The following DGKI variants were observed in gnomAD, a reference collection of about 807,000 sequenced individuals.
The protein encoded by DGKI is DAG kinase iota.
In DGKI, 55 loss-of-function variants were observed where a neutral mutation model predicts 147.5. The ratio of observed to expected loss-of-function variants is 0.37; its 90% CI spans 0.30 to 0.47. The LOEUF is 0.47. Among genes scored for constraint, DGKI ranks in the 20% least tolerant of loss-of-function variants. The pLI is 1.00. For missense variants in DGKI, 1,007 were observed against 1,323.8 expected (o/e 0.76, Z 3.71); for synonymous variants, 469 against 477.1 (o/e 0.98, Z 0.22).
chr7:137,832,980 C>T (rs112061110), intron 1 of DGKI, among the ~76,000 whole-genome samples: 5 of 152,348 alleles, frequency 3.3e-5, no homozygotes, highest in African/African-American at 1.2e-4. Flanking sequence ...GTCACCTTTG[C>T]TCCAGTTTCC....
Position 137,599,823 on chromosome 7 carries a change from G to C in DGKI, c.1250C>G (p.Ala417Gly). 5.0e-6 allele frequency: 8 copies of C among 1,613,060 alleles called. No individual in the cohort carries two copies. The highest frequency in any genetic ancestry group is 6.8e-6 in the Non-Finnish European group (8 of 1,179,224). The change falls in exon 11 of 33, where the codon GCG becomes GGG. Residue 417 changes from alanine to glycine, a missense_variant and splice_region_variant. Physicochemically the swap from Ala to Gly is moderately conservative, Grantham distance 60. Around this residue, in one of 5 missense-constraint regions of DGKI, gnomAD observed 224 missense variants for 382.7 expected, o/e 0.59. Transcript: ENST00000614521. Reference sequence around the variant, plus strand: ...CCATGGAGAATATTTCCAGACTTACGCATCTTTTGGCCCTTCCTGAGAAAG... The same window carrying C: ...CCATGGAGAATATTTCCAGACTTACCCATCTTTTGGCCCTTCCTGAGAAAG... ...FDLSQEGPKDALELYRKVPNL... is the reference protein window; with the variant it reads ...FDLSQEGPKDGLELYRKVPNL...
chr7:137,637,679 T>C (rs927386695), intron 6 of DGKI, among the ~76,000 whole-genome samples: 3 of 152,230 alleles, frequency 2.0e-5, no homozygotes, highest in Non-Finnish European at 4.4e-5. Flanking sequence ...TTTTTGCTTC[T>C]CAGCTAACTA....
chr7:137,677,974 T>C (rs938711973), intron 3 of DGKI, among the ~76,000 whole-genome samples: 3 of 152,200 alleles, frequency 2.0e-5, no homozygotes, highest in African/African-American at 7.2e-5. Flanking sequence ...TCTAAATAGA[T>C]TGTTCTAAAT....
At chr7:137,638,613 C>CATATATGTATATGTGTATATAT (rs1554446609) in intron 6 of DGKI, among the ~76,000 whole-genome samples, 2 of 15,746 alleles carry the variant, frequency 1.3e-4, no homozygotes, top group Middle Eastern at 0.036. Context: ...TATATATATA[C>CATATATGTATATGTGTATATAT]ACACACACAT....
In DGKI at chr7:137,492,314, G is replaced by A. The variant is rs114274286; in HGVS notation, c.2249-4625C>T. On this transcript the variant is annotated intron_variant, in intron 21 of 32. Coordinates refer to ENST00000614521, the MANE Select transcript of DGKI (RefSeq NM_001321708.2). ...CAAGATAGCTGAACAGACACAGCCA[G>A]AAGGAACATCTGCCATCGAGAGACC... Among the ~76,000 whole-genome samples, 893 of 152,308 alleles carry A rather than the reference G, an allele frequency of 5.9e-3. 10 individuals carry two copies. Among genetic ancestry groups the A allele is most frequent in the African/African-American group, 0.021 (855 of 41,554 alleles).
intron 1 of DGKI, among the ~76,000 whole-genome samples, chr7:137,744,853 T>C (rs921393601): frequency 6.6e-6 from 1 of 152,184 alleles, no homozygotes; most frequent in Non-Finnish European, 1.5e-5. Flanking sequence ...CCGTTTATGA[T>C]ATAAACCCTC....
intron 3 of DGKI, among the ~76,000 whole-genome samples, chr7:137,661,269 GGAGCT>G (rs1311039767): frequency 1.3e-5 from 2 of 152,196 alleles, no homozygotes; most frequent in Middle Eastern, 3.4e-3. Flanking sequence ...CCATCTCAGA[GGAGCT>G]CAGAGGCCAG....
chr7:137,538,831 T>A (rs1377792494), intron 20 of DGKI, among the ~76,000 whole-genome samples: 1 of 152,156 alleles, frequency 6.6e-6, no homozygotes, highest in Admixed American at 6.6e-5. Flanking sequence ...AGCAGTAGAT[T>A]GGTGAAGAAC....
At chr7:137,634,158 G>A (rs1821231898) in intron 6 of DGKI, among the ~76,000 whole-genome samples, 1 of 152,118 alleles carries the variant, frequency 6.6e-6, no homozygotes, top group Non-Finnish European at 1.5e-5. Context: ...ACTTTATTTG[G>A]CCTTTCTGGG....
intron 28 of DGKI, among the ~76,000 whole-genome samples, chr7:137,421,585 T>C (rs1812573052): frequency 1.3e-5 from 2 of 152,232 alleles, no homozygotes; most frequent in South Asian, 4.1e-4. Flanking sequence ...TCGTTCCACT[T>C]CTTTTATTCA....
intron 1 of DGKI, among the ~76,000 whole-genome samples, chr7:137,787,997 T>G (rs944386117): frequency 6.6e-6 from 1 of 151,990 alleles, no homozygotes; most frequent in African/African-American, 2.4e-5. Context: ...AAGAACTTAT[T>G]CATGTAACCA....
chr7:137,390,504 CCT>C lies in DGKI; in HGVS notation c.*714_*715del. ...GCAGCCTGGGCTGACCCCTGGGTTA[CCT>C]CTCTGAGGTACCTCCAAGCACAGAC... On this transcript the variant is annotated 3_prime_UTR_variant, in exon 33 of 33. Transcript: ENST00000614521. The C allele has an allele frequency of 6.5e-6, 1 of 153,022 alleles. No individual in the cohort carries two copies. The highest frequency in any genetic ancestry group is 1.9e-4 in the East Asian group (1 of 5,192). The allele number at this position is 153,022 out of a possible 1,614,324, so 9.5% of individuals were successfully genotyped here.
chr7:137,621,544 G>C (rs75654375), intron 7 of DGKI, among the ~76,000 whole-genome samples: 10 of 152,276 alleles, frequency 6.6e-5, no homozygotes, highest in African/African-American at 2.2e-4. Context: ...TATCCTAGAA[G>C]GGGTTCACCT....
chr7:137,799,105 A>C (rs1483624545), intron 1 of DGKI, among the ~76,000 whole-genome samples: 1 of 152,204 alleles, frequency 6.6e-6, no homozygotes, highest in Non-Finnish European at 1.5e-5. Flanking sequence ...AAGGCAAAAA[A>C]GATGTCTTCT....
chr7:137,492,586 AGAAACTTAAGCTGGAAGG>A (rs910665241), intron 21 of DGKI, among the ~76,000 whole-genome samples: 13 of 152,178 alleles, frequency 8.5e-5, no homozygotes, highest in African/African-American at 1.4e-4. Flanking sequence ...AGACCCCCAC[AGAAACTTAAGCTGGAAGG>A]GATAGTTGCT....
intron 1 of DGKI, among the ~76,000 whole-genome samples, chr7:137,792,434 C>A (rs1192116047): frequency 2.0e-5 from 3 of 152,166 alleles, no homozygotes; most frequent in Non-Finnish European, 4.4e-5. Context: ...GCATCTATTA[C>A]AAATAAGCAC....
At chr7:137,678,721 A>G (rs1264028249) in intron 2 of DGKI, 69 bp from the exon 3 acceptor site, 1 of 1,400,544 alleles carries the variant, frequency 7.1e-7, no homozygotes, top group African/African-American at 1.4e-5. Flanking sequence ...TTTCAAATTT[A>G]GATTTGGGAT....
chr7:137,618,153 T>TATATATATATATA (rs1563114668), intron 8 of DGKI, among the ~76,000 whole-genome samples: 5 of 9,642 alleles, frequency 5.2e-4, no homozygotes, highest in African/African-American at 9.2e-4. Flanking sequence ...ATATATATAT[T>TATATATATATATA]TTTTTTTTTT....
At chr7:137,494,904 T>C (rs940818427) in intron 21 of DGKI, among the ~76,000 whole-genome samples, 3 of 152,012 alleles carry the variant, frequency 2.0e-5, no homozygotes, top group Non-Finnish European at 2.9e-5. Flanking sequence ...CAAGACCCAA[T>C]GGTATGCTGT....
Sources: gnomAD v4.1 joint callset for allele counts (sites outside exome capture counted in the v4.1 genomes callset) on GRCh38, gnomAD v4.1.1 for gene constraint, gnomAD v4.1.1 regional missense constraint, MANE v1.5 for transcripts, NCBI Gene and HGNC (gene_info 2026-07-23, HGNC 2026-07-21) for gene names.